The following TAS2R1 variants were observed in gnomAD, a reference collection of about 807,000 sequenced individuals.
The protein encoded by TAS2R1 is taste 2 receptor member 1, also known as taste receptor type 2 member 1.
For synonymous variants in TAS2R1, 141 were observed against 134.2 expected, an observed-to-expected ratio of 1.05 and a Z score of -0.35; for missense variants, 370 against 353.4, an observed-to-expected ratio of 1.05 and a Z score of -0.38.
intron 2 of TAS2R1, among the ~76,000 whole-genome samples, chr5:9,637,664 T>C (rs775689126): frequency 3.3e-5 from 5 of 152,134 alleles, no homozygotes; most frequent in Non-Finnish European, 2.9e-5. Context: ...TTGAATTAAT[T>C]CAAAAACATA....
At chr5:9,771,761 T>C in the TAS2R1 span, among the ~76,000 whole-genome samples, 1 of 152,084 alleles carries the variant, frequency 6.6e-6, no homozygotes, top group Non-Finnish European at 1.5e-5. Flanking sequence ...TGTCCAGCAA[T>C]GTATCTGTTT....
intron 1 of TAS2R1, among the ~76,000 whole-genome samples, chr5:9,666,219 C>T (rs745644067): frequency 6.6e-6 from 1 of 152,032 alleles, no homozygotes; most frequent in African/African-American, 2.4e-5. Context: ...GAAGCAGATG[C>T]TCTGACTGGA....
chr5:9,693,060 C>T (rs1350889509), intron 1 of TAS2R1, among the ~76,000 whole-genome samples: 3 of 152,198 alleles, frequency 2.0e-5, no homozygotes, highest in Non-Finnish European at 4.4e-5. Context: ...CTCCTCATCA[C>T]TGCATGAACC....
the TAS2R1 span, among the ~76,000 whole-genome samples, chr5:9,823,948 G>A: frequency 6.6e-6 from 1 of 152,208 alleles, no homozygotes; most frequent in Non-Finnish European, 1.5e-5. Flanking sequence ...CCAGAGACAA[G>A]CCACATGGAG....
intron 1 of TAS2R1, among the ~76,000 whole-genome samples, chr5:9,692,182 G>GT (rs1741259797): frequency 6.6e-6 from 1 of 152,126 alleles, no homozygotes; most frequent in Admixed American, 6.5e-5. Flanking sequence ...TGCACTCTAC[G>GT]TGCTTGTCAG....
chr5:9,733,369 G>A, the TAS2R1 span, among the ~76,000 whole-genome samples: 5 of 152,308 alleles, frequency 3.3e-5, no homozygotes, highest in South Asian at 2.1e-4. Context: ...AAAGCATAAC[G>A]TATTTACTAT....
chr5:9,820,945 A>G, the TAS2R1 span, among the ~76,000 whole-genome samples: 2 of 151,880 alleles, frequency 1.3e-5, no homozygotes. Context: ...CTATATCCAC[A>G]TGGAAACATG....
chr5:9,752,371 C>G, the TAS2R1 span, among the ~76,000 whole-genome samples: 1 of 152,102 alleles, frequency 6.6e-6, no homozygotes, highest in South Asian at 2.1e-4. Context: ...CTACTGAAAA[C>G]TTGTTTCTTC....
At chr5:9,679,372 G>T (rs1189564991) in intron 1 of TAS2R1, among the ~76,000 whole-genome samples, 1 of 152,190 alleles carries the variant, frequency 6.6e-6, no homozygotes, top group African/African-American at 2.4e-5. Context: ...TCATTTTGAG[G>T]TTGGGGGATC....
At chr5:9,877,282 A>G in the TAS2R1 span, among the ~76,000 whole-genome samples, 1 of 152,214 alleles carries the variant, frequency 6.6e-6, no homozygotes, top group Non-Finnish European at 1.5e-5. Flanking sequence ...TCCACTCTTG[A>G]ATAACCCACC....
chr5:9,819,365 A>G, the TAS2R1 span, among the ~76,000 whole-genome samples: 1 of 152,180 alleles, frequency 6.6e-6, no homozygotes, highest in Non-Finnish European at 1.5e-5. Context: ...ATTACATGCG[A>G]GCTTAATTTT....
At chr5:9,751,764 T>C in the TAS2R1 span, among the ~76,000 whole-genome samples, 2 of 152,170 alleles carry the variant, frequency 1.3e-5, no homozygotes, top group Admixed American at 1.3e-4. Context: ...CAAAATCTTC[T>C]CCAAAGAACA....
chr5:9,667,091 T>C (rs1173325137), intron 1 of TAS2R1, among the ~76,000 whole-genome samples: 2 of 152,208 alleles, frequency 1.3e-5, no homozygotes, highest in South Asian at 4.1e-4. Flanking sequence ...TCCGTTTTTT[T>C]CTACAAATTT....
At chr5:9,771,568 A>G in the TAS2R1 span, among the ~76,000 whole-genome samples, 1 of 152,002 alleles carries the variant, frequency 6.6e-6, no homozygotes, top group Non-Finnish European at 1.5e-5. Flanking sequence ...CTCTTTTTTC[A>G]GAATAGTCTG....
chr5:9,872,070 A>T, the TAS2R1 span, among the ~76,000 whole-genome samples: 15 of 152,348 alleles, frequency 9.8e-5, no homozygotes, highest in South Asian at 3.1e-3. Context: ...ATATAGTTTT[A>T]TCTCTAGATC....
At chr5:9,728,070 T>G in the TAS2R1 span, among the ~76,000 whole-genome samples, 2 of 152,090 alleles carry the variant, frequency 1.3e-5, no homozygotes, top group Non-Finnish European at 2.9e-5. Flanking sequence ...AACTAAGTAC[T>G]GGATAGATCA....
the TAS2R1 span, among the ~76,000 whole-genome samples, chr5:9,872,196 A>G: frequency 6.6e-6 from 1 of 152,194 alleles, no homozygotes; most frequent in Non-Finnish European, 1.5e-5. Context: ...ATGTTTCCCA[A>G]AAGTTTCCGT....
At chr5:9,736,188 C>T in the TAS2R1 span, among the ~76,000 whole-genome samples, 1 of 152,246 alleles carries the variant, frequency 6.6e-6, no homozygotes, top group Non-Finnish European at 1.5e-5. Flanking sequence ...TGCCTAGCAT[C>T]CCTCTTTTTC....
At chr5:9,875,302 T>G in the TAS2R1 span, among the ~76,000 whole-genome samples, 2 of 152,144 alleles carry the variant, frequency 1.3e-5, no homozygotes, top group African/African-American at 4.8e-5. Context: ...ACATTCATAT[T>G]CAAATATTTT....
Sources: gnomAD v4.1 joint callset for allele counts (sites outside exome capture counted in the v4.1 genomes callset) on GRCh38, gnomAD v4.1.1 for gene constraint, MANE v1.5 for transcripts, NCBI Gene and HGNC (gene_info 2026-07-23, HGNC 2026-07-21) for gene names.